PRKG1: variants seen among roughly 807,000 people sequenced by gnomAD.
The protein encoded by PRKG1 is protein kinase cGMP-dependent 1.
Under a neutral mutation model 88.1 loss-of-function variants are expected in PRKG1, and 35 were observed. The ratio of observed to expected loss-of-function variants is 0.40; its 90% CI spans 0.30 to 0.53. PRKG1 has a LOEUF of 0.53. Ranked by LOEUF, PRKG1 falls within the 20% of genes least tolerant of loss-of-function variation. The probability of loss-of-function intolerance (pLI) is 0.59; values close to 1 mark genes in which losing one functional copy is unlikely to be tolerated. For synonymous variants in PRKG1, 303 were observed against 292.5 expected, an observed-to-expected ratio of 1.04 and a Z score of -0.37; for missense variants, 540 against 839.8, an observed-to-expected ratio of 0.64 and a Z score of 4.41.
intron 2 of PRKG1, among the ~76,000 whole-genome samples, chr10:51,290,613 G>T (rs948496639): frequency 6.6e-6 from 1 of 152,082 alleles, no homozygotes; most frequent in South Asian, 2.1e-4. Context: ...TCTTATTCCT[G>T]AGTAAAGGAA....
chr10:51,068,394 G>A lies in PRKG1; in HGVS notation c.266+76750G>A, dbSNP rs567309547. On this transcript the variant is annotated intron_variant, in intron 1 of 17. Coordinates refer to the PRKG1 transcript ENST00000401604. ...ATAAATTTCTTGACATCTTTCTCTT[G>A]CCCAATGCAGTCATTTGACCTACTA... 109 of 151,960 alleles carry A rather than the reference G, an allele frequency of 7.2e-4. 1 individual carries two copies. The highest frequency in any genetic ancestry group is 2.5e-3 in the African/African-American group (104 of 41,502). 9.4% of individuals were successfully genotyped at this position (151,960 alleles called of 1,614,324 possible).
Position 51,331,339 on chromosome 10 carries a change from C to G in PRKG1, c.479-136384C>G, listed in dbSNP as rs1841736070. Among the ~76,000 whole-genome samples, 3 of 152,180 alleles carry G rather than the reference C, an allele frequency of 2.0e-5. 1 individual carries two copies. In the South Asian group the frequency reaches 6.2e-4, roughly 32 times the overall value. On this transcript the variant is annotated intron_variant, in intron 2 of 17. Transcript: ENST00000373980. ...GGTGGTGCAAGCTGGAGACTGGGTT[C>G]ACCAAGCAAGTGTGAAACTTGGAGC...
At chr10:51,446,199 T>G (rs1839267769) in intron 2 of PRKG1, among the ~76,000 whole-genome samples, 1 of 152,158 alleles carries the variant, frequency 6.6e-6, no homozygotes, top group South Asian at 2.1e-4. Context: ...TGAAAGTCAG[T>G]GTAATGACGT....
intron 7 of PRKG1, among the ~76,000 whole-genome samples, chr10:52,066,178 T>G (rs577434385): frequency 9.8e-5 from 15 of 152,314 alleles, no homozygotes; most frequent in African/African-American, 3.6e-4. Context: ...TGACTTCACT[T>G]CTCAGCCATG....
At chr10:52,244,968 TAAA>T (rs1840986011) in intron 9 of PRKG1, among the ~76,000 whole-genome samples, 2 of 145,696 alleles carry the variant, frequency 1.4e-5, no homozygotes, top group Admixed American at 1.4e-4. Context: ...TTAAAAATAT[TAAA>T]AATATTAAAA....
At chr10:51,644,253 A>C (rs7079618) in intron 3 of PRKG1, among the ~76,000 whole-genome samples, 114,735 of 152,082 alleles carry the variant, frequency 0.75, 45,188 homozygotes, top group Middle Eastern at 0.86. Context: ...CTCTGGATCA[A>C]GATTCTGTTT....
At chr10:51,967,862 T>C (rs1843610790) in intron 5 of PRKG1, among the ~76,000 whole-genome samples, 1 of 152,170 alleles carries the variant, frequency 6.6e-6, no homozygotes, top group African/African-American at 2.4e-5. Flanking sequence ...ACCTCAATGT[T>C]TTGGTGCTTC....
chr10:51,569,339 G>A (rs981167416), intron 3 of PRKG1, among the ~76,000 whole-genome samples: 6 of 151,994 alleles, frequency 3.9e-5, no homozygotes, highest in East Asian at 3.9e-4. Context: ...GGTTTGATAC[G>A]GTTTGTCTTA....
At chr10:51,887,166 G>T (rs757907635) in intron 4 of PRKG1, among the ~76,000 whole-genome samples, 4 of 151,980 alleles carry the variant, frequency 2.6e-5, no homozygotes, top group Admixed American at 1.3e-4. Context: ...TGTGTTTTTC[G>T]TAGAGACAGG....
intron 1 of PRKG1, among the ~76,000 whole-genome samples, chr10:51,033,426 T>G (rs965113693): frequency 2.0e-5 from 3 of 152,208 alleles, no homozygotes; most frequent in African/African-American, 7.2e-5. Context: ...TCGTAAGTGA[T>G]GGAGCCACAA....
At chr10:52,015,396 C>T (rs11000469) in intron 5 of PRKG1, among the ~76,000 whole-genome samples, 8 of 152,072 alleles carry the variant, frequency 5.3e-5, no homozygotes, top group East Asian at 1.9e-4. Flanking sequence ...TGGGACACAG[C>T]GCACCATGTC....
chr10:51,640,495 A>C (rs1839772399), intron 3 of PRKG1, among the ~76,000 whole-genome samples: 1 of 152,236 alleles, frequency 6.6e-6, no homozygotes, highest in Admixed American at 6.5e-5. Flanking sequence ...AAACAAGAGA[A>C]AGTAAATCAG....
intron 2 of PRKG1, chr10:51,299,627 G>A (rs759219082): frequency 4.3e-6 from 2 of 465,960 alleles, no homozygotes; most frequent in Non-Finnish European, 8.8e-6. Flanking sequence ...AAACAGAGAA[G>A]GCACTATGAG....
intron 3 of PRKG1, among the ~76,000 whole-genome samples, chr10:51,538,634 C>A (rs1188929716): frequency 1.3e-5 from 2 of 149,722 alleles, no homozygotes. Context: ...TAATGTTAAC[C>A]CTACACATAG....
At chr10:51,677,037 A>G (rs905840081) in intron 3 of PRKG1, among the ~76,000 whole-genome samples, 1 of 152,072 alleles carries the variant, frequency 6.6e-6, no homozygotes, top group Non-Finnish European at 1.5e-5. Context: ...GTGCCCTCCC[A>G]ATAATTACCC....
intron 3 of PRKG1, among the ~76,000 whole-genome samples, chr10:51,751,899 T>C (rs1241564461): frequency 6.6e-6 from 1 of 152,150 alleles, no homozygotes; most frequent in East Asian, 1.9e-4. Context: ...GTAATAAATA[T>C]CTGAATGGAT....
intron 9 of PRKG1, among the ~76,000 whole-genome samples, chr10:52,244,518 G>A (rs1213068): frequency 0.34 from 37,891 of 111,130 alleles, 4,991 homozygotes; most frequent in Non-Finnish European, 0.41. Context: ...CATTTTCCAC[G>A]TACACAAAAA....
At chr10:52,290,692 A>G (rs1018288400) in intron 17 of PRKG1, among the ~76,000 whole-genome samples, 1 of 151,996 alleles carries the variant, frequency 6.6e-6, no homozygotes, top group African/African-American at 2.4e-5. Flanking sequence ...CTCTACAAAA[A>G]AAGAAAAGAA....
In PRKG1 at chr10:52,138,268, G is replaced by A. The variant is rs113319992; in HGVS notation, c.1001+4363G>A. ...AAGGAAGTGACATCTGGCAAAAACC[G>A]GGACTATTGTCCATTTTTGTTGGTC... On this transcript the variant is annotated intron_variant, in intron 8 of 17. Transcript: ENST00000373980. 3.0e-3 allele frequency among the ~76,000 whole-genome samples: 463 copies of A among 152,032 alleles called. 6 individuals carry two copies. The highest frequency in any genetic ancestry group is 0.011 in the African/African-American group (442 of 41,502).
Sources: gnomAD v4.1 joint callset for allele counts (sites outside exome capture counted in the v4.1 genomes callset) on GRCh38, gnomAD v4.1.1 for gene constraint, MANE v1.5 for transcripts, NCBI Gene and HGNC (gene_info 2026-07-23, HGNC 2026-07-21) for gene names.